STK24: variants seen among roughly 807,000 people sequenced by gnomAD.
STK24 encodes the protein serine/threonine-protein kinase 24.
In STK24, 21 loss-of-function variants were observed where a neutral mutation model predicts 55.6. That is an observed-to-expected ratio of 0.38 (90% CI 0.27 to 0.54). The LOEUF (loss-of-function observed/expected upper bound fraction) is 0.54. Ranked by LOEUF, STK24 falls within the 20% of genes least tolerant of loss-of-function variation. STK24 has a pLI of 0.79. For missense variants in STK24, 383 were observed against 538.4 expected, an observed-to-expected ratio of 0.71 and a Z score of 2.86; for synonymous variants, 200 against 215.2, an observed-to-expected ratio of 0.93 and a Z score of 0.62.
chr13:98,519,945 A>G (rs944958278), intron 1 of STK24, among the ~76,000 whole-genome samples: 1 of 152,242 alleles, frequency 6.6e-6, no homozygotes, highest in African/African-American at 2.4e-5. Flanking sequence ...AAAAACGTAT[A>G]CCGTAACTAT....
In STK24 at chr13:98,447,022, C is replaced by G; in HGVS notation, c.*6151G>C. Reference sequence around the variant, plus strand: ...GGGTCCCAACTTCCCTGCGCCCTTACCCTGCACGGTGTTGGCTGAGGCCCT... The same window carrying G: ...GGGTCCCAACTTCCCTGCGCCCTTAGCCTGCACGGTGTTGGCTGAGGCCCT... On this transcript the variant is annotated 3_prime_UTR_variant, in exon 11 of 11. Transcript: ENST00000539966. 1 of 564,136 alleles carries G rather than the reference C, an allele frequency of 1.8e-6. No individual in the cohort carries two copies. The highest frequency in any genetic ancestry group is 3.2e-6 in the Non-Finnish European group (1 of 316,408). 34.9% of individuals were successfully genotyped at this position (564,136 alleles called of 1,614,324 possible).
At chr13:98,541,471 CT>C in intron 1 of STK24, among the ~76,000 whole-genome samples, 1 of 152,296 alleles carries the variant, frequency 6.6e-6, no homozygotes, top group East Asian at 1.9e-4. Context: ...ATTATGAAAA[CT>C]TTTGAGGTTG....
intron 2 of STK24, among the ~76,000 whole-genome samples, chr13:98,489,976 C>T (rs1244093942): frequency 6.6e-6 from 1 of 152,096 alleles, no homozygotes; most frequent in Non-Finnish European, 1.5e-5. Flanking sequence ...GGGAAAGGCC[C>T]AAAACGGTTC....
intron 1 of STK24, among the ~76,000 whole-genome samples, chr13:98,536,853 G>GTTGCCACA (rs1243355402): frequency 4.0e-4 from 59 of 149,238 alleles, no homozygotes; most frequent in Middle Eastern, 3.5e-3. Flanking sequence ...CAGCTGTCCG[G>GTTGCCACA]CTGCCACACT....
intron 1 of STK24, among the ~76,000 whole-genome samples, chr13:98,526,704 A>C (rs930124116): frequency 6.6e-6 from 1 of 152,222 alleles, no homozygotes; most frequent in African/African-American, 2.4e-5. Flanking sequence ...GTTTTTCAAG[A>C]AACTTGGGTT....
At chr13:98,501,971 C>T (rs1393401867) in intron 2 of STK24, among the ~76,000 whole-genome samples, 1 of 152,146 alleles carries the variant, frequency 6.6e-6, no homozygotes, top group African/African-American at 2.4e-5. Context: ...TCCCCTATGC[C>T]ATTGGAGGGT....
chr13:98,547,662 C>T (rs942057722), intron 1 of STK24, among the ~76,000 whole-genome samples: 8 of 152,324 alleles, frequency 5.3e-5, no homozygotes, highest in African/African-American at 1.4e-4. Flanking sequence ...TGTAATGACA[C>T]GCCATGGGCT....
In STK24 at chr13:98,482,331, A is replaced by C. The variant is rs772817097; in HGVS notation, c.274-10T>G. 1 of 1,464,676 alleles carries C rather than the reference A, an allele frequency of 6.8e-7. No homozygotes were observed. Among genetic ancestry groups the C allele is most frequent in the East Asian group, 2.3e-5 (1 of 43,328 alleles). The allele number at this position is 1,464,676 out of a possible 1,614,324, so 90.7% of individuals were successfully genotyped here. A position where few individuals can be genotyped will look rare whatever the true frequency, so the allele number is the denominator to read the frequency against. ...TCCATAATTTTGTATCCTATAAAAC[A>C]AAAAAAAGAAGAGAATCATTTTCAA... On this transcript the variant is annotated splice_polypyrimidine_tract_variant and intron_variant, in intron 2 of 10. Coordinates refer to ENST00000539966, the MANE Select transcript of STK24 (RefSeq NM_001032296.4).
rs573555544 is a variant in STK24, at chr13:98,576,831, G to C, written c.-45C>G. On this transcript the variant is annotated 5_prime_UTR_variant, in exon 1 of 11. Coordinates refer to ENST00000539966, the MANE Select transcript of STK24 (RefSeq NM_001032296.4). ...TCCTGGGACGGGACGGCCGGGCCGC[G>C]ACGATCCGCGCGGGGCGGCGAGGCC... The C allele has an allele frequency of 6.0e-3, 7,067 of 1,175,280 alleles. 28 individuals are homozygous for C. The highest frequency in any genetic ancestry group is 6.5e-3 in the Non-Finnish European group (6,172 of 951,934). 72.8% of individuals were successfully genotyped at this position (1,175,280 alleles called of 1,614,324 possible). A position where few individuals can be genotyped will look rare whatever the true frequency, so the allele number is the denominator to read the frequency against.
chr13:98,498,387 A>G (rs1594613497), intron 2 of STK24, among the ~76,000 whole-genome samples: 1 of 152,260 alleles, frequency 6.6e-6, no homozygotes, highest in Non-Finnish European at 1.5e-5. Flanking sequence ...GGCTGGAGGG[A>G]AAGTCTCTCC....
intron 2 of STK24, among the ~76,000 whole-genome samples, chr13:98,509,491 C>CAA (rs796955141): frequency 3.5e-5 from 5 of 142,642 alleles, no homozygotes; most frequent in African/African-American, 1.3e-4. Context: ...TCCTCAAAAA[C>CAA]AAAAAAAAAA....
At chr13:98,565,108 C>A (rs1040708007) in intron 1 of STK24, among the ~76,000 whole-genome samples, 1 of 152,208 alleles carries the variant, frequency 6.6e-6, no homozygotes, top group African/African-American at 2.4e-5. Flanking sequence ...GGCAAGGCTA[C>A]TGTGTGCTTC....
At chr13:98,548,576 A>T (rs1015120215) in intron 1 of STK24, among the ~76,000 whole-genome samples, 1 of 152,062 alleles carries the variant, frequency 6.6e-6, no homozygotes, top group African/African-American at 2.4e-5. Context: ...AAAATAGAAC[A>T]AATGGCTGGG....
At chr13:98,482,116 CA>C in intron 3 of STK24, 148 bp downstream of exon 3, 4 of 423,078 alleles carry the variant, frequency 9.5e-6, no homozygotes, top group Middle Eastern at 4.7e-4. Context: ...ATATAAGAAG[CA>C]AAAAAACACG....
Position 98,519,308 on chromosome 13 carries a change from C to G in STK24, c.208G>C (p.Glu70Gln). 6.2e-7 allele frequency: 1 copy of G among 1,614,226 alleles called. No homozygotes were observed. Among genetic ancestry groups the G allele is most frequent in the Non-Finnish European group, 8.5e-7 (1 of 1,180,038 alleles). Reference protein sequence around the residue: ...AEDEIEDIQQEITVLSQCDSP... With the variant: ...AEDEIEDIQQQITVLSQCDSP... ...TCACACTGACTCAGCACTGTGATTT[C>G]TTGTTGAATGTCCTCTATCTCATCT... Residue 70 changes from glutamate (E) to glutamine (Q), a missense_variant, in exon 2 of 11, where the codon GAA becomes CAA. Transcript: ENST00000539966.
At chr13:98,534,028 C>G (rs528844968) in intron 1 of STK24, among the ~76,000 whole-genome samples, 1 of 152,384 alleles carries the variant, frequency 6.6e-6, no homozygotes, top group South Asian at 2.1e-4. Context: ...TACCCACCAC[C>G]TGGTGCTAGC....
chr13:98,484,739 G>C lies in STK24; in HGVS notation c.274-2418C>G, dbSNP rs755174348. 3.3e-5 allele frequency among the ~76,000 whole-genome samples: 5 copies of C among 152,104 alleles called. 1 individual carries two copies. The highest frequency in any genetic ancestry group is 1.3e-4 in the Admixed American group (2 of 15,282). ...GCAAGACACCTCAACCAAGTTTTCT[G>C]TGTCGCCCTGATCCTTCTGGGGACG... On this transcript the variant is annotated intron_variant, in intron 2 of 10. Coordinates refer to ENST00000539966, the MANE Select transcript of STK24 (RefSeq NM_001032296.4).
rs1431092824 is a variant in STK24, at chr13:98,453,206, G to A, written c.1263C>T (p.Tyr421=). The A allele has an allele frequency of 1.2e-6, 2 of 1,613,150 alleles. No homozygotes were observed. Among genetic ancestry groups the A allele is most frequent in the Non-Finnish European group, 1.7e-6 (2 of 1,179,636 alleles). Residue 421 remains tyrosine, a synonymous_variant, in exon 11 of 11, where the codon TAC becomes TAT. Transcript: ENST00000539966. ...VAQLVQRLQR[Y]SLSGGGTSSH ...ATGAAGTTCCTCCACCACTTAGAGA[G>A]TATCTAGGGAAAAAGAGAGAGAGAG... is the stretch of plus-strand genomic sequence containing the variant.
At chr13:98,553,053 G>T (rs932582701) in intron 1 of STK24, among the ~76,000 whole-genome samples, 52 of 152,224 alleles carry the variant, frequency 3.4e-4, no homozygotes, top group African/African-American at 1.2e-3. Context: ...AGACCCCGTG[G>T]GTGTGGGAGC....
Sources: gnomAD v4.1 joint callset for allele counts (sites outside exome capture counted in the v4.1 genomes callset) on GRCh38, gnomAD v4.1.1 for gene constraint, MANE v1.5 for transcripts, NCBI Gene and HGNC (gene_info 2026-07-23, HGNC 2026-07-21) for gene names.